Variants in GPR19 observed in about 807,000 individuals in gnomAD.
The protein encoded by GPR19 is G protein-coupled receptor 19, also known as probable G protein-coupled receptor 19.
In GPR19, 14 loss-of-function variants were observed where a neutral mutation model predicts 28.5. The ratio of observed to expected loss-of-function variants is 0.49; its 90% confidence interval spans 0.32 to 0.77. GPR19 has a LOEUF of 0.77. Ranked by LOEUF, GPR19 falls within the 30% of genes least tolerant of loss-of-function variation. The pLI is 0.03. For synonymous variants in GPR19, 173 were observed against 184.1 expected, an observed-to-expected ratio of 0.94 and a Z score of 0.49; for missense variants, 409 against 504.1, an observed-to-expected ratio of 0.81 and a Z score of 1.81.
At chr12:12,681,031 C>G (rs756827213) in intron 3 of GPR19, among the ~76,000 whole-genome samples, 1 of 152,074 alleles carries the variant, frequency 6.6e-6, no homozygotes, top group Non-Finnish European at 1.5e-5. Flanking sequence ...TTCCTGGGCT[C>G]AAGCAATCCT....
At chr12:12,700,792 A>G (rs1946318378), upstream of GPR19, among the ~76,000 whole-genome samples, 1 of 152,256 alleles carries the variant, frequency 6.6e-6, no homozygotes, top group Non-Finnish European at 1.5e-5. Context: ...AGTATAAAAT[A>G]TACACATAAG....
upstream of GPR19, among the ~76,000 whole-genome samples, chr12:12,701,090 C>T (rs1946320722): frequency 6.6e-6 from 1 of 152,152 alleles, no homozygotes; most frequent in African/African-American, 2.4e-5. Flanking sequence ...TCTTTTTTAT[C>T]AATCAGTTTT....
At chr12:12,676,111 C>CA (rs1807428066) in intron 3 of GPR19, among the ~76,000 whole-genome samples, 1 of 152,044 alleles carries the variant, frequency 6.6e-6, no homozygotes, top group South Asian at 2.1e-4. Context: ...ATTAGAAAAC[C>CA]AAAAATCTTA....
rs759237578 is a variant in GPR19 at position 12,662,110 on chromosome 12, GAGA to G, written c.336_338del (p.Leu113del). ...CGAAAGGCGTGCTGGCAACGCTGAT[GAGA>G]AGGTCAGCACATGCCATGGAGACCA... is the stretch of plus-strand genomic sequence containing the variant. On this transcript the variant is annotated inframe_deletion, in exon 4 of 4. Transcript: ENST00000651487. The G allele has an allele frequency of 5.6e-6, 9 of 1,614,040 alleles. No homozygotes were observed. Among genetic ancestry groups the G allele is most frequent in the Non-Finnish European group, 7.6e-6 (9 of 1,179,962 alleles).
chr12:12,696,844 A>C (rs564304494), upstream of GPR19, among the ~76,000 whole-genome samples: 13 of 152,352 alleles, frequency 8.5e-5, no homozygotes, highest in East Asian at 2.5e-3. Context: ...GGACAGTTTA[A>C]GTGTCAACTT....
At chr12:12,703,296 T>C in the GPR19 span, 3 of 735,432 alleles carry the variant, frequency 4.1e-6, no homozygotes, top group Non-Finnish European at 5.0e-6. Flanking sequence ...GTCTGTGGCA[T>C]TGGTGGTTGG....
chr12:12,714,107 G>T, the GPR19 span, among the ~76,000 whole-genome samples: 12 of 152,258 alleles, frequency 7.9e-5, no homozygotes, highest in African/African-American at 2.6e-4. Flanking sequence ...ATAAATATTT[G>T]TTGAAAGAAA....
Position 12,662,011 on chromosome 12 carries a change from A to G in GPR19, c.438T>C (p.Tyr146=). ...CGTAGATCTGGACACCTGGAGTGAG[A>G]TATTGAAAATATCGCACAACCTTGC... is the stretch of plus-strand genomic sequence containing the variant. ...ATCKVVRYFQ[Y]LTPGVQIYVL... is the part of the protein sequence containing the mutation. Residue 146 remains tyrosine (Y), a synonymous_variant, in exon 4 of 4, where the codon TAT becomes TAC. Transcript: ENST00000651487. 1 of 1,614,234 alleles carries G rather than the reference A, an allele frequency of 6.2e-7. No homozygotes were observed. The highest frequency in any genetic ancestry group is 8.5e-7 in the Non-Finnish European group (1 of 1,180,028).
chr12:12,681,988 A>G (rs1262795720), intron 3 of GPR19, among the ~76,000 whole-genome samples: 4 of 152,220 alleles, frequency 2.6e-5, no homozygotes. Context: ...ATAGTCCTGC[A>G]GTCCTGTGAG....
At chr12:12,700,585 A>G (rs1156894646), upstream of GPR19, among the ~76,000 whole-genome samples, 1 of 152,216 alleles carries the variant, frequency 6.6e-6, no homozygotes. Context: ...CAGGTCACTC[A>G]AAACCTTTGC....
chr12:12,663,116 T>A (rs1945704499), intron 3 of GPR19, among the ~76,000 whole-genome samples: 1 of 152,190 alleles, frequency 6.6e-6, no homozygotes, highest in African/African-American at 2.4e-5. Flanking sequence ...ATAGCTTGCT[T>A]TTTCTAAAAG....
chr12:12,697,175 A>AAAAAAAAAAAAC, upstream of GPR19, among the ~76,000 whole-genome samples: 2 of 149,928 alleles, frequency 1.3e-5, no homozygotes, highest in Admixed American at 6.6e-5. Context: ...AAAAAAAAAA[A>AAAAAAAAAAAAC]AAGCAGCCAT....
At chr12:12,708,102 C>T in the GPR19 span, among the ~76,000 whole-genome samples, 1 of 143,946 alleles carries the variant, frequency 6.9e-6, no homozygotes, top group South Asian at 2.2e-4. Context: ...CTGGCTCAAG[C>T]GATACTCCCA....
intron 3 of GPR19, among the ~76,000 whole-genome samples, chr12:12,672,030 G>A (rs1945860761): frequency 6.6e-6 from 1 of 152,196 alleles, no homozygotes; most frequent in African/African-American, 2.4e-5. Context: ...TATGAGAAGG[G>A]CCGGGTGAAG....
intron 3 of GPR19, 64 bp from the exon 4 acceptor site, chr12:12,662,534 T>C (rs2136316790): frequency 6.6e-6 from 8 of 1,213,882 alleles, no homozygotes; most frequent in Non-Finnish European, 9.4e-6. Flanking sequence ...TGGTTATGAT[T>C]ACTCAGGCTA....
At chr12:12,688,440 T>C (rs1034599341) in intron 2 of GPR19, 1 of 152,170 alleles carries the variant, frequency 6.6e-6, no homozygotes, top group African/African-American at 2.4e-5. Flanking sequence ...CATAATATTC[T>C]ACAAGAGAAC....
At chr12:12,714,833 G>A in the GPR19 span, among the ~76,000 whole-genome samples, 1 of 152,056 alleles carries the variant, frequency 6.6e-6, no homozygotes, top group African/African-American at 2.4e-5. Flanking sequence ...CTCATTATTT[G>A]CTGTACAGAT....
At chr12:12,692,075 G>A (rs1284111325) in intron 2 of GPR19, among the ~76,000 whole-genome samples, 3 of 152,114 alleles carry the variant, frequency 2.0e-5, no homozygotes, top group Non-Finnish European at 4.4e-5. Context: ...GCCCCTCCTA[G>A]TTTCTGATCC....
At chr12:12,687,557 A>G (rs1465953735) in intron 2 of GPR19, among the ~76,000 whole-genome samples, 1 of 152,202 alleles carries the variant, frequency 6.6e-6, no homozygotes, top group Non-Finnish European at 1.5e-5. Flanking sequence ...TCTTACACAG[A>G]TTGCTGAATC....
Sources: gnomAD v4.1 joint callset for allele counts (sites outside exome capture counted in the v4.1 genomes callset) on GRCh38, gnomAD v4.1.1 for gene constraint, MANE v1.5 for transcripts, NCBI Gene and HGNC (gene_info 2026-07-23, HGNC 2026-07-21) for gene names.